Variants in GRIN2A observed in about 807,000 individuals in gnomAD.
GRIN2A encodes glutamate ionotropic receptor NMDA type subunit 2A.
A neutral mutation model predicts 113.4 loss-of-function variants in GRIN2A; 22 were observed. The ratio of observed to expected loss-of-function variants is 0.19; its 90% CI spans 0.14 to 0.28. The LOEUF is 0.28. Among genes scored for constraint, GRIN2A ranks in the 10% least tolerant of loss-of-function variants. The probability of loss-of-function intolerance (pLI) is 1.00; values close to 1 mark genes in which losing one functional copy is unlikely to be tolerated. For missense variants in GRIN2A, 1,502 were observed against 1,887.0 expected (o/e 0.80, Z 3.78); for synonymous variants, 827 against 738.4 (o/e 1.12, Z -1.94).
chr16:9,934,170 G>A (rs1453023229), intron 3 of GRIN2A, among the ~76,000 whole-genome samples: 1 of 152,148 alleles, frequency 6.6e-6, no homozygotes, highest in Admixed American at 6.5e-5. Context: ...TGAATATCGG[G>A]TTGAGTATTT....
At chr16:10,108,951 T>C (rs1189913365) in intron 2 of GRIN2A, among the ~76,000 whole-genome samples, 1 of 148,938 alleles carries the variant, frequency 6.7e-6, no homozygotes, top group Non-Finnish European at 1.5e-5. Context: ...AGAAGACATT[T>C]AGGCTGAGAA....
intron 2 of GRIN2A, among the ~76,000 whole-genome samples, chr16:10,137,516 C>T (rs1376013041): frequency 6.6e-6 from 1 of 152,156 alleles, no homozygotes; most frequent in East Asian, 1.9e-4. Context: ...ATTTCCCTTC[C>T]TTAGCTACTT....
At chr16:9,874,763 G>A (rs890603911) in intron 4 of GRIN2A, among the ~76,000 whole-genome samples, 4 of 152,020 alleles carry the variant, frequency 2.6e-5, no homozygotes, top group African/African-American at 4.8e-5. Flanking sequence ...GGGGGCAGGA[G>A]TGATCATACT....
intron 3 of GRIN2A, among the ~76,000 whole-genome samples, chr16:9,893,362 A>G (rs939592735): frequency 6.6e-6 from 1 of 152,236 alleles, no homozygotes; most frequent in African/African-American, 2.4e-5. Context: ...ACAGAAAACT[A>G]AAACACTGCT....
At chr16:9,786,237 C>G (rs764790936) in intron 11 of GRIN2A, among the ~76,000 whole-genome samples, 1 of 152,210 alleles carries the variant, frequency 6.6e-6, no homozygotes, top group South Asian at 2.1e-4. Flanking sequence ...GGAGAGGCTG[C>G]TTTGCAAGCC....
At chr16:10,009,973 C>T (rs16956781) in intron 2 of GRIN2A, among the ~76,000 whole-genome samples, 3,945 of 152,322 alleles carry the variant, frequency 0.026, 47 homozygotes, top group South Asian at 0.07. Context: ...GATGCTGGCA[C>T]AGCGTTGCAC....
chr16:9,937,914 G>T, intron 3 of GRIN2A, 45 bp downstream of exon 3: 1 of 1,376,382 alleles, frequency 7.3e-7, no homozygotes, highest in Non-Finnish European at 1.0e-6. Flanking sequence ...AATGACAACA[G>T]CAAAACTCTG....
At chr16:9,963,905 G>A (rs1353569673) in intron 2 of GRIN2A, among the ~76,000 whole-genome samples, 2 of 152,198 alleles carry the variant, frequency 1.3e-5, no homozygotes, top group African/African-American at 2.4e-5. Flanking sequence ...CCATGTCCTG[G>A]TGGAGGAGAG....
intron 2 of GRIN2A, among the ~76,000 whole-genome samples, chr16:9,941,142 A>T (rs1315502186): frequency 1.1e-4 from 16 of 152,198 alleles, no homozygotes; most frequent in Admixed American, 6.5e-4. Context: ...AACAAGACAC[A>T]CGCTAAAGGC....
Position 9,891,110 on chromosome 16 carries a change from G to A in GRIN2A, c.1008-10C>T, listed in dbSNP as rs1187421936. ...AACATTGACCATAAATCTAGAAAGG[G>A]GAAGAGAGAAAGACAAATTTTTAGG... is the stretch of plus-strand genomic sequence containing the variant. On this transcript the variant is annotated splice_polypyrimidine_tract_variant and intron_variant, in intron 3 of 12. Coordinates refer to ENST00000330684, the MANE Select transcript of GRIN2A (RefSeq NM_001134407.3). The A allele has an allele frequency of 3.2e-6, 5 of 1,557,400 alleles. No individual in the cohort carries two copies. The African/African-American group carries it at 4.1e-5, about 13-fold the overall frequency.
chr16:10,114,147 T>G (rs2048680668), intron 2 of GRIN2A, among the ~76,000 whole-genome samples: 1 of 152,128 alleles, frequency 6.6e-6, no homozygotes. Context: ...GCTATGATCA[T>G]GCCACTGCAC....
intron 2 of GRIN2A, among the ~76,000 whole-genome samples, chr16:10,146,363 C>T (rs942680982): frequency 6.6e-6 from 1 of 152,158 alleles, no homozygotes; most frequent in South Asian, 2.1e-4. Context: ...GGTGATCCGC[C>T]CACCTCGGCC....
intron 2 of GRIN2A, among the ~76,000 whole-genome samples, chr16:10,071,324 T>C (rs1567277128): frequency 2.0e-5 from 3 of 152,162 alleles, no homozygotes; most frequent in Non-Finnish European, 4.4e-5. Flanking sequence ...TTGTCAGTAA[T>C]TGGAATTACT....
intron 4 of GRIN2A, among the ~76,000 whole-genome samples, chr16:9,880,253 A>G (rs1266741797): frequency 6.6e-6 from 1 of 152,196 alleles, no homozygotes; most frequent in African/African-American, 2.4e-5. Context: ...GACAGTGCCT[A>G]GAGGCCCCTG....
At position 9,911,451 on chromosome 16, in the gene GRIN2A, G is replaced by A. The variant is rs562646707; in HGVS notation, c.1008-20351C>T. Among the ~76,000 whole-genome samples, 79 of 152,262 alleles carry A rather than the reference G, an allele frequency of 5.2e-4. 1 individual carries two copies. Among genetic ancestry groups the A allele is most frequent in the Non-Finnish European group, 8.2e-4 (56 of 68,024 alleles). ...AACTCAGCTAGTTCCTAGTGTTAGCGATCTTGGGCAAGTTATTTAACTATC... is the reference window on the plus strand; with the variant it reads ...AACTCAGCTAGTTCCTAGTGTTAGCAATCTTGGGCAAGTTATTTAACTATC... On this transcript the variant is annotated intron_variant, in intron 3 of 12. Transcript: ENST00000330684.
intron 2 of GRIN2A, among the ~76,000 whole-genome samples, chr16:10,102,088 G>A (rs1666856087): frequency 6.6e-6 from 1 of 152,172 alleles, no homozygotes; most frequent in South Asian, 2.1e-4. Flanking sequence ...CCTAGACATT[G>A]GTGCTATTTT....
intron 2 of GRIN2A, among the ~76,000 whole-genome samples, chr16:10,069,483 T>C (rs2047710551): frequency 6.6e-6 from 1 of 152,162 alleles, no homozygotes; most frequent in Admixed American, 6.5e-5. Flanking sequence ...CTACACAAGA[T>C]GCAGTCCCTT....
chr16:10,139,513 A>G (rs926764055), intron 2 of GRIN2A, among the ~76,000 whole-genome samples: 14 of 152,370 alleles, frequency 9.2e-5, no homozygotes, highest in African/African-American at 2.6e-4. Flanking sequence ...TGGCCTGTGC[A>G]ATTTAAACAA....
chr16:10,102,604 T>C (rs2048421892), intron 2 of GRIN2A, among the ~76,000 whole-genome samples: 1 of 152,156 alleles, frequency 6.6e-6, no homozygotes, highest in African/African-American at 2.4e-5. Flanking sequence ...TGTAGTGCAG[T>C]GTTGTGATCT....
Sources: gnomAD v4.1 joint callset for allele counts (sites outside exome capture counted in the v4.1 genomes callset) on GRCh38, gnomAD v4.1.1 for gene constraint, MANE v1.5 for transcripts, NCBI Gene and HGNC (gene_info 2026-07-23, HGNC 2026-07-21) for gene names.